Variants in ZDHHC4 observed in about 807,000 individuals in gnomAD.
ZDHHC4 encodes palmitoyltransferase ZDHHC4.
Under a neutral mutation model 36.7 loss-of-function variants are expected in ZDHHC4, and 42 were observed. The observed-to-expected ratio is 1.14, with a 90% confidence interval of 0.89 to 1.48. ZDHHC4 has a LOEUF of 1.48. Ranked by LOEUF, ZDHHC4 falls within the 40% of genes most tolerant of loss-of-function variation. The pLI is 0.00. For missense variants in ZDHHC4, 457 were observed against 421.5 expected, an observed-to-expected ratio of 1.08 and a Z score of -0.74; for synonymous variants, 189 against 166.6, an observed-to-expected ratio of 1.13 and a Z score of -1.03.
chr7:6,580,158 T>TTTTTTTA (rs887943285), intron 2 of ZDHHC4, among the ~76,000 whole-genome samples: 1 of 152,100 alleles, frequency 6.6e-6, no homozygotes, highest in African/African-American at 2.4e-5. Flanking sequence ...TTTATCTTTC[T>TTTTTTTA]TTTTTTATTT....
chr7:6,582,246 A>G lies in ZDHHC4; in HGVS notation c.365A>G (p.Asn122Ser). ...LFFFTLTCGT[N>S]PGIITKANEL... ...TTTTTCACCCTGACTTGTGGAACCA[A>G]TCCTGGTAAGTTGAGGCTCTTAGCA... is the stretch of plus-strand genomic sequence containing the variant. Residue 122 changes from asparagine (N) to serine (S), a missense_variant, in exon 5 of 8, where the codon AAT (asparagine) becomes AGT (serine). Coordinates refer to ENST00000335965, the MANE Select transcript of ZDHHC4 (RefSeq NM_001134389.2). 1 of 1,613,902 alleles carries G rather than the reference A, an allele frequency of 6.2e-7. No individual in the cohort carries two copies. Among genetic ancestry groups the G allele is most frequent in the South Asian group, 1.1e-5 (1 of 91,064 alleles).
chr7:6,582,310 C>T (rs1221740158), intron 5 of ZDHHC4, 59 bp downstream of exon 5: 2 of 1,472,954 alleles, frequency 1.4e-6, no homozygotes, highest in Non-Finnish European at 1.8e-6. Context: ...ACTAATAGTG[C>T]TGCAAACAAG....
At chr7:6,580,932 A>G (rs1028794872) in intron 3 of ZDHHC4, 6 of 473,014 alleles carry the variant, frequency 1.3e-5, no homozygotes, top group African/African-American at 9.7e-5. Flanking sequence ...AACAAAAAAG[A>G]TGCCACTTAA....
chr7:6,579,388 A>G (rs1780682109), intron 2 of ZDHHC4, among the ~76,000 whole-genome samples: 1 of 151,858 alleles, frequency 6.6e-6, no homozygotes, highest in Non-Finnish European at 1.5e-5. Flanking sequence ...TTTAGTATAG[A>G]TGGGGATTAC....
chr7:6,583,525 C>T, intron 6 of ZDHHC4, 94 bp downstream of exon 6: 1 of 1,479,594 alleles, frequency 6.8e-7, no homozygotes, highest in Non-Finnish European at 9.0e-7. Flanking sequence ...GAAAGCAGAG[C>T]CAGTTCACCC....
chr7:6,582,299 T>C (rs758558342), intron 5 of ZDHHC4, 48 bp downstream of exon 5: 16 of 1,536,574 alleles, frequency 1.0e-5, no homozygotes, highest in Non-Finnish European at 1.4e-5. Flanking sequence ...TCCACTGTCT[T>C]ACTAATAGTG....
At chr7:6,584,931 A>T in intron 6 of ZDHHC4, 85 bp from the exon 7 acceptor site, 1 of 1,553,420 alleles carries the variant, frequency 6.4e-7, no homozygotes, top group Non-Finnish European at 8.7e-7. Context: ...CATCCAGTGG[A>T]CAGATTATGA....
Position 6,589,056 on chromosome 7 carries a change from T to C in ZDHHC4, c.*146T>C, listed in dbSNP as rs967465435. 1.0e-5 allele frequency: 10 copies of C among 983,836 alleles called. No individual in the cohort carries two copies. The highest frequency in any genetic ancestry group is 3.3e-4 in the Middle Eastern group (1 of 3,042). 60.9% of individuals were successfully genotyped at this position (983,836 alleles called of 1,614,324 possible). Reference sequence around the variant, plus strand: ...AAGGGAGAGAGGGGAAAATGGGTGTTGACTGAGGAATCCCCCTTGCTTGTC... The same window carrying C: ...AAGGGAGAGAGGGGAAAATGGGTGTCGACTGAGGAATCCCCCTTGCTTGTC... On this transcript the variant is annotated 3_prime_UTR_variant, in exon 8 of 8. Transcript: ENST00000335965.
intron 4 of ZDHHC4, 22 bp downstream of exon 4, chr7:6,581,702 A>G: frequency 6.5e-7 from 1 of 1,548,408 alleles, no homozygotes; most frequent in Admixed American, 1.7e-5. Context: ...TCAGAGTTTA[A>G]ATATTCTCCT....
chr7:6,583,640 G>A (rs1781025259), intron 6 of ZDHHC4: 6 of 559,562 alleles, frequency 1.1e-5, no homozygotes, highest in Non-Finnish European at 1.7e-5. Flanking sequence ...CCTCATCTCT[G>A]GGCATAACAG....
Position 6,588,608 on chromosome 7 carries a change from T to C in ZDHHC4, c.742-9T>C. On this transcript the variant is annotated splice_polypyrimidine_tract_variant and intron_variant, in intron 7 of 7. Coordinates refer to ENST00000335965, the MANE Select transcript of ZDHHC4 (RefSeq NM_001134389.2). ...GCTGCCTAAAGCACTACCTTTTCTC[T>C]GCTCCTAGTACCTGTTCCTGACTTT... is the stretch of plus-strand genomic sequence containing the variant. The C allele has an allele frequency of 6.2e-7, 1 of 1,613,152 alleles. No individual in the cohort carries two copies. Among genetic ancestry groups the C allele is most frequent in the Non-Finnish European group, 8.5e-7 (1 of 1,179,414 alleles).
chr7:6,580,547 C>T lies in ZDHHC4; in HGVS notation c.-7-8C>T. ...GCAGATAGTCACACTCTTTCTGTTC[C>T]TTTGTAGCTGCAGGATGGACTTTCT... On this transcript the variant is annotated splice_region_variant and splice_polypyrimidine_tract_variant and intron_variant, in intron 2 of 7. Coordinates refer to ENST00000335965, the MANE Select transcript of ZDHHC4 (RefSeq NM_001134389.2). 6.2e-7 allele frequency: 1 copy of T among 1,610,586 alleles called. No homozygotes were observed. Among genetic ancestry groups the T allele is most frequent in the Non-Finnish European group, 8.5e-7 (1 of 1,176,768 alleles).
chr7:6,580,716 C>G, intron 3 of ZDHHC4, 38 bp downstream of exon 3: 1 of 1,584,728 alleles, frequency 6.3e-7, no homozygotes, highest in Non-Finnish European at 8.7e-7. Context: ...AATTTGAATA[C>G]TGTGTTAGTC....
At chr7:6,579,969 C>G (rs1350220058) in intron 2 of ZDHHC4, among the ~76,000 whole-genome samples, 2 of 151,806 alleles carry the variant, frequency 1.3e-5, no homozygotes, top group Non-Finnish European at 1.5e-5. Flanking sequence ...AACCTCATCT[C>G]TACTAAAAAT....
chr7:6,581,094 G>T, intron 3 of ZDHHC4: 1 of 252,054 alleles, frequency 4.0e-6, no homozygotes, highest in South Asian at 5.1e-5. Flanking sequence ...GCCTGTGATT[G>T]GGCATGGATG....
At chr7:6,582,328 C>A (rs1369124534) in intron 5 of ZDHHC4, 77 bp downstream of exon 5, 11 of 1,317,260 alleles carry the variant, frequency 8.4e-6, no homozygotes, top group Non-Finnish European at 1.1e-5. Flanking sequence ...AAGGAGAGGC[C>A]CCCCCTGAGG....
chr7:6,588,251 A>AT (rs1486699685), intron 7 of ZDHHC4, among the ~76,000 whole-genome samples: 2 of 152,188 alleles, frequency 1.3e-5, no homozygotes, highest in African/African-American at 4.8e-5. Context: ...TTGTACATCT[A>AT]TTTTTGGGGT....
Position 6,588,604 on chromosome 7 carries a change from T to C in ZDHHC4, c.742-13T>C. On this transcript the variant is annotated splice_polypyrimidine_tract_variant and intron_variant, in intron 7 of 7. Coordinates refer to ENST00000335965, the MANE Select transcript of ZDHHC4 (RefSeq NM_001134389.2). ...TCCAGCTGCCTAAAGCACTACCTTT[T>C]CTCTGCTCCTAGTACCTGTTCCTGA... 2 of 1,612,866 alleles carry C rather than the reference T, an allele frequency of 1.2e-6. No homozygotes were observed. Among genetic ancestry groups the C allele is most frequent in the African/African-American group, 1.3e-5 (1 of 75,014 alleles).
chr7:6,583,497 G>A, intron 6 of ZDHHC4, 66 bp downstream of exon 6: 1 of 1,552,430 alleles, frequency 6.4e-7, no homozygotes, highest in Non-Finnish European at 8.7e-7. Flanking sequence ...CGTCTGTGAG[G>A]GAATGTTTCC....
Sources: gnomAD v4.1 joint callset for allele counts (sites outside exome capture counted in the v4.1 genomes callset) on GRCh38, gnomAD v4.1.1 for gene constraint, MANE v1.5 for transcripts, NCBI Gene and HGNC (gene_info 2026-07-23, HGNC 2026-07-21) for gene names.